The following HS6ST2 variants were observed in gnomAD, a reference collection of about 807,000 sequenced individuals.
HS6ST2 encodes the protein heparan sulfate 6-O-sulfotransferase 2.
Under a neutral mutation model 33.0 loss-of-function variants are expected in HS6ST2, and 17 were observed. The ratio of observed to expected loss-of-function variants is 0.52; its 90% CI spans 0.35 to 0.77. The LOEUF (loss-of-function observed/expected upper bound fraction) is 0.77, where lower values mean the gene tolerates loss of function less well. Ranked by LOEUF, HS6ST2 falls within the 30% of genes least tolerant of loss-of-function variation. The pLI is 0.01. For synonymous variants in HS6ST2, 248 were observed against 237.1 expected, an observed-to-expected ratio of 1.05 and a Z score of -0.42; for missense variants, 519 against 551.7, an observed-to-expected ratio of 0.94 and a Z score of 0.59.
intron 2 of HS6ST2, among the ~76,000 whole-genome samples, chrX:132,763,130 A>T (rs2148311982): frequency 8.9e-6 from 1 of 112,141 alleles, no homozygotes; most frequent in East Asian, 2.8e-4. Flanking sequence ...TACAGGCTCG[A>T]ATAACTGAGC....
chrX:132,954,467 ACTCT>A (rs2067046184), intron 2 of HS6ST2, among the ~76,000 whole-genome samples: 1 of 110,575 alleles, frequency 9.0e-6, no homozygotes, highest in African/African-American at 3.3e-5. Context: ...ACATACACAC[ACTCT>A]CTCATTCTCA....
intron 2 of HS6ST2, among the ~76,000 whole-genome samples, chrX:132,777,239 G>C (rs1193034355): frequency 9.3e-6 from 1 of 108,015 alleles, no homozygotes; most frequent in African/African-American, 3.4e-5. Flanking sequence ...ATTGGAAGCT[G>C]TCTGAGCAGG....
intron 2 of HS6ST2, among the ~76,000 whole-genome samples, chrX:132,898,798 G>C (rs1475252676): frequency 1.8e-5 from 2 of 111,187 alleles, no homozygotes; most frequent in Admixed American, 9.7e-5. Flanking sequence ...AGAGAGAAGA[G>C]AGCTACATAG....
At chrX:132,806,376 G>C (rs1222887962) in intron 2 of HS6ST2, among the ~76,000 whole-genome samples, 1 of 108,933 alleles carries the variant, frequency 9.2e-6, no homozygotes, top group Non-Finnish European at 1.9e-5. Context: ...GTTATGACTT[G>C]TATAATTTCT....
Position 132,759,527 on chromosome X carries a change from T to C in HS6ST2, c.948-51033A>G, listed in dbSNP as rs772869014. Among the ~76,000 whole-genome samples the C allele has an allele frequency of 4.5e-5, 5 of 111,190 alleles. No homozygotes were observed. In the Admixed American group the frequency reaches 4.8e-4, roughly 11 times the overall value. On this transcript the variant is annotated intron_variant, in intron 2 of 4. Coordinates refer to ENST00000370833, the MANE Select transcript of HS6ST2 (RefSeq NM_001394073.1). ...GTAGGTGGGGGTGATGGGGAGTGAT[T>C]GTTTAATGCATACGGGTCTCATTTT...
At chrX:132,860,133 T>G (rs1038275533) in intron 2 of HS6ST2, among the ~76,000 whole-genome samples, 4 of 111,907 alleles carry the variant, frequency 3.6e-5, no homozygotes, top group Admixed American at 2.8e-4. Context: ...GGTAATTTGT[T>G]GATTTTTTCC....
intron 2 of HS6ST2, among the ~76,000 whole-genome samples, chrX:132,895,426 T>A (rs891778605): frequency 9.0e-6 from 1 of 111,446 alleles, no homozygotes; most frequent in African/African-American, 3.3e-5. Context: ...ATACTTCTCT[T>A]CTATAAGGTA....
chrX:132,752,942 G>A (rs1231508533), intron 2 of HS6ST2, among the ~76,000 whole-genome samples: 2 of 112,401 alleles, frequency 1.8e-5, no homozygotes, highest in Non-Finnish European at 3.8e-5. Context: ...AAAGGTCCAG[G>A]CTTCCAGAGC....
chrX:132,666,856 C>G (rs1213571347), intron 4 of HS6ST2, among the ~76,000 whole-genome samples: 1 of 111,365 alleles, frequency 9.0e-6, no homozygotes, highest in East Asian at 2.8e-4. Flanking sequence ...AACATCAGAA[C>G]ATGGCATCCT....
chrX:132,745,232 C>T (rs142078059), intron 2 of HS6ST2, among the ~76,000 whole-genome samples: 1,358 of 111,444 alleles, frequency 0.012, 25 homozygotes, highest in African/African-American at 0.043. Context: ...ACTACAGGAG[C>T]ACATCACTGT....
rs1425730756 is a variant in HS6ST2 at position 132,956,970 on chromosome X, T to C, written c.785A>G (p.Gln262Arg). Residue 262 changes from glutamine to arginine, a missense_variant, in exon 2 of 5, where the codon CAG (glutamine) becomes CGG (arginine). Gln to Arg is a conservative substitution (Grantham distance 43). Coordinates refer to ENST00000370833, the MANE Select transcript of HS6ST2 (RefSeq NM_001394073.1). ...LEQPCECRVG[Q>R]KKCTCHRPGK... ...CGGCCGGTGGCAAGTGCATTTCTTC[T>C]GACCCACGCGGCACTCGCACGGCTG... 8.3e-7 allele frequency: 1 copy of C among 1,209,131 alleles called. No homozygotes were observed. The highest frequency in any genetic ancestry group is 2.2e-5 in the Admixed American group (1 of 45,847).
intron 2 of HS6ST2, among the ~76,000 whole-genome samples, chrX:132,730,548 A>G (rs752248431): frequency 8.9e-6 from 1 of 112,022 alleles, no homozygotes; most frequent in African/African-American, 3.2e-5. Context: ...CCAGGAATCA[A>G]TTAATTTAAT....
intron 2 of HS6ST2, among the ~76,000 whole-genome samples, chrX:132,749,148 C>T (rs2064676160): frequency 2.7e-5 from 3 of 112,208 alleles, no homozygotes; most frequent in Admixed American, 1.9e-4. Context: ...GTAATCCATC[C>T]TTCCTTCGGA....
intron 2 of HS6ST2, among the ~76,000 whole-genome samples, chrX:132,757,188 C>A (rs2064763783): frequency 8.9e-6 from 1 of 111,872 alleles, no homozygotes. Flanking sequence ...AATTGCTTAA[C>A]TCACCCTTAG....
At chrX:132,775,865 T>C (rs1436948855) in intron 2 of HS6ST2, among the ~76,000 whole-genome samples, 2 of 111,985 alleles carry the variant, frequency 1.8e-5, no homozygotes, top group Non-Finnish European at 3.8e-5. Context: ...TTCAATGATA[T>C]CAGCCACAGT....
chrX:132,680,719 G>A (rs929030838), intron 3 of HS6ST2, among the ~76,000 whole-genome samples: 3 of 111,160 alleles, frequency 2.7e-5, no homozygotes, highest in South Asian at 7.7e-4. Context: ...GCTGATGGCT[G>A]GGCATGGTGG....
At chrX:132,870,997 A>G (rs1304405771) in intron 2 of HS6ST2, among the ~76,000 whole-genome samples, 1 of 109,867 alleles carries the variant, frequency 9.1e-6, no homozygotes, top group African/African-American at 3.4e-5. Flanking sequence ...GGCAACCTAC[A>G]GATTGGGAGA....
intron 2 of HS6ST2, among the ~76,000 whole-genome samples, chrX:132,851,620 A>C (rs1395296895): frequency 8.9e-6 from 1 of 112,309 alleles, no homozygotes; most frequent in African/African-American, 3.2e-5. Context: ...ATATCACATC[A>C]TAAATTGGCT....
chrX:132,635,683 C>T (rs1335890664), intron 4 of HS6ST2, among the ~76,000 whole-genome samples: 1 of 110,579 alleles, frequency 9.0e-6, no homozygotes, highest in Non-Finnish European at 1.9e-5. Context: ...TTGGTACTGG[C>T]ATCTAGTAAG....
Sources: allele counts gnomAD v4.1 joint callset (sites outside exome capture counted in the v4.1 genomes callset), GRCh38; gene constraint gnomAD v4.1.1; transcripts MANE v1.5; gene names NCBI Gene and HGNC (gene_info 2026-07-23, HGNC 2026-07-21).